Variants in KIAA1671 observed in about 807,000 individuals in gnomAD.
KIAA1671 encodes the protein KIAA1671.
In KIAA1671, 52 loss-of-function variants were observed where a neutral mutation model predicts 131.2. That is an observed-to-expected ratio of 0.40 (90% CI 0.32 to 0.50). The LOEUF is 0.50. Ranked by LOEUF, KIAA1671 falls within the 20% of genes least tolerant of loss-of-function variation. The probability of loss-of-function intolerance (pLI) is 0.73; values close to 1 mark genes in which losing one functional copy is unlikely to be tolerated. For synonymous variants in KIAA1671, 1,003 were observed against 961.6 expected (o/e 1.04, Z -0.80); for missense variants, 2,360 against 2,364.2 (o/e 1.00, Z 0.04).
chr22:25,052,812 G>A (rs1173334920), intron 6 of KIAA1671: 4 of 152,158 alleles, frequency 2.6e-5, no homozygotes, highest in Admixed American at 1.3e-4. Context: ...TGCCTCCCGG[G>A]TTCAAGTGAT....
chr22:25,027,858 T>C (rs1926035109), intron 2 of KIAA1671, 87 bp from the exon 3 acceptor site: 1 of 684,182 alleles, frequency 1.5e-6, no homozygotes. Context: ...GGCTCAGGAC[T>C]CTGTCCCATT....
At chr22:25,120,301 T>C (rs771273499) in intron 6 of KIAA1671, among the ~76,000 whole-genome samples, 7 of 152,246 alleles carry the variant, frequency 4.6e-5, no homozygotes, top group Non-Finnish European at 5.9e-5. Context: ...TGTCACTTCA[T>C]TCTCTGCTAC....
chr22:25,152,978 T>C (rs1266697672), intron 6 of KIAA1671, among the ~76,000 whole-genome samples: 3 of 152,192 alleles, frequency 2.0e-5, no homozygotes, highest in Admixed American at 1.3e-4. Context: ...TCATGAAATA[T>C]TAACATGTTT....
At chr22:25,047,146 C>CTT in intron 5 of KIAA1671, among the ~76,000 whole-genome samples, 1 of 115,620 alleles carries the variant, frequency 8.6e-6, no homozygotes. Flanking sequence ...AATTTTTTTT[C>CTT]TTTTCTTTTT....
intron 1 of KIAA1671, among the ~76,000 whole-genome samples, chr22:24,959,086 T>G (rs550494810): frequency 7.2e-5 from 11 of 151,842 alleles, no homozygotes; most frequent in African/African-American, 2.7e-4. Context: ...TTGCTTGAGC[T>G]CAGGAGTTCG....
intron 6 of KIAA1671, among the ~76,000 whole-genome samples, chr22:25,164,987 G>GTGTGTGTA (rs1933596336): frequency 7.8e-6 from 1 of 128,162 alleles, no homozygotes; most frequent in Non-Finnish European, 1.5e-5. Context: ...GCGTGTGTGT[G>GTGTGTGTA]TGTGTGTGTG....
intron 6 of KIAA1671, among the ~76,000 whole-genome samples, chr22:25,118,510 C>T (rs1175771476): frequency 6.6e-6 from 1 of 152,110 alleles, no homozygotes; most frequent in African/African-American, 2.4e-5. Flanking sequence ...AAGGTAGTCT[C>T]AAACTTCTGG....
chr22:24,965,307 C>T (rs918010245), intron 1 of KIAA1671, among the ~76,000 whole-genome samples: 3 of 150,860 alleles, frequency 2.0e-5, no homozygotes, highest in East Asian at 2.0e-4. Flanking sequence ...ACCAGCTACT[C>T]GGGAGGTTGA....
chr22:25,003,648 A>G lies in KIAA1671; in HGVS notation c.-207-21985A>G, dbSNP rs924201492. On this transcript the variant is annotated intron_variant, in intron 1 of 12. Coordinates refer to ENST00000358431, the MANE Select transcript of KIAA1671 (RefSeq NM_001145206.2). ...AGGATGGTCTTGATCTCCTAACCTC[A>G]TGATCCACCCACCTCGGCCTCCCAA... Among the ~76,000 whole-genome samples, 9 of 151,246 alleles carry G rather than the reference A, an allele frequency of 6.0e-5. No individual in the cohort carries two copies. The East Asian group carries it at 1.2e-3, about 20-fold the overall frequency.
chr22:24,957,874 C>T (rs1921797931), intron 1 of KIAA1671, among the ~76,000 whole-genome samples: 1 of 150,548 alleles, frequency 6.6e-6, no homozygotes, highest in South Asian at 2.1e-4. Flanking sequence ...GACAGGGTTT[C>T]TCCATGTTGG....
At chr22:25,069,241 G>A (rs1445669039) in intron 6 of KIAA1671, among the ~76,000 whole-genome samples, 2 of 152,132 alleles carry the variant, frequency 1.3e-5, no homozygotes, top group Non-Finnish European at 2.9e-5. Context: ...CTACCTTGTT[G>A]AATCCTCAAA....
rs79422044 is a variant in KIAA1671 at position 25,112,064 on chromosome 22, A to G, written c.4531-58756A>G. ...GCTGTTTTTAATTTTTTTTCCTCCAAGCAAGCCCAAAACTTCCATGAGCAA... is the reference window on the plus strand; with the variant it reads ...GCTGTTTTTAATTTTTTTTCCTCCAGGCAAGCCCAAAACTTCCATGAGCAA... On this transcript the variant is annotated intron_variant, in intron 6 of 12. Transcript: ENST00000358431. The G allele has an allele frequency of 8.9e-3, 3,536 of 397,676 alleles. 112 individuals are homozygous for G. The highest frequency in any genetic ancestry group is 0.066 in the African/African-American group (3,213 of 48,690). 24.6% of individuals were successfully genotyped at this position (397,676 alleles called of 1,614,324 possible).
intron 6 of KIAA1671, among the ~76,000 whole-genome samples, chr22:25,071,668 G>A (rs2145850892): frequency 6.7e-6 from 1 of 150,258 alleles, no homozygotes; most frequent in East Asian, 1.9e-4. Context: ...CTGGCTGCGT[G>A]TTGGGCTCTG....
chr22:25,089,605 T>A (rs1929923771), intron 6 of KIAA1671, among the ~76,000 whole-genome samples: 1 of 152,200 alleles, frequency 6.6e-6, no homozygotes, highest in Non-Finnish European at 1.5e-5. Flanking sequence ...CAATCAGATC[T>A]TGCTATGCAT....
At chr22:25,152,894 C>T (rs1278807698) in intron 6 of KIAA1671, among the ~76,000 whole-genome samples, 3 of 152,092 alleles carry the variant, frequency 2.0e-5, no homozygotes, top group Non-Finnish European at 4.4e-5. Context: ...TGTGAGCCAC[C>T]ATGCCTCGCC....
In KIAA1671 at chr22:25,195,713, C is replaced by T. The variant is rs964025171; in HGVS notation, c.*3312C>T. The T allele has an allele frequency of 3.9e-5, 6 of 152,154 alleles. No homozygotes were observed. Among genetic ancestry groups the T allele is most frequent in the African/African-American group, 9.7e-5 (4 of 41,420 alleles). The allele number at this position is 152,154 out of a possible 1,614,324, so 9.4% of individuals were successfully genotyped here. Reference sequence around the variant, plus strand: ...TGCTCCAACCTGGTGCTGATAGCTGCTTTGTTGATCTATGCTTTAAAATTT... The same window carrying T: ...TGCTCCAACCTGGTGCTGATAGCTGTTTTGTTGATCTATGCTTTAAAATTT... On this transcript the variant is annotated 3_prime_UTR_variant, in exon 13 of 13. Coordinates refer to ENST00000358431, the MANE Select transcript of KIAA1671 (RefSeq NM_001145206.2).
At chr22:25,178,433 G>A (rs1280787578) in intron 9 of KIAA1671, among the ~76,000 whole-genome samples, 1 of 152,242 alleles carries the variant, frequency 6.6e-6, no homozygotes, top group African/African-American at 2.4e-5. Flanking sequence ...TTCCACCAGG[G>A]CAGAGGACAC....
intron 6 of KIAA1671, among the ~76,000 whole-genome samples, chr22:25,108,920 T>C (rs925341609): frequency 3.3e-5 from 5 of 152,144 alleles, no homozygotes; most frequent in Admixed American, 3.3e-4. Flanking sequence ...CCATAGTGGC[T>C]CACTCACATG....
At chr22:25,120,884 G>A (rs1931903420) in intron 6 of KIAA1671, among the ~76,000 whole-genome samples, 1 of 152,186 alleles carries the variant, frequency 6.6e-6, no homozygotes, top group Non-Finnish European at 1.5e-5. Context: ...CCCGTTCTGG[G>A]CTACCAGGAG....
Sources: allele counts gnomAD v4.1 joint callset (sites outside exome capture counted in the v4.1 genomes callset), GRCh38; gene constraint gnomAD v4.1.1; transcripts MANE v1.5; gene names NCBI Gene and HGNC (gene_info 2026-07-23, HGNC 2026-07-21).